The following PPP1R9A variants were observed in gnomAD, a reference collection of about 807,000 sequenced individuals.
PPP1R9A encodes protein phosphatase 1 regulatory subunit 9A.
PPP1R9A carries 59 observed loss-of-function variants against 141.9 expected under a neutral mutation model. The ratio of observed to expected loss-of-function variants is 0.42; its 90% CI spans 0.34 to 0.52. The LOEUF is 0.52. Among genes scored for constraint, PPP1R9A ranks in the 20% least tolerant of loss-of-function variants. The pLI is 0.10. For missense variants in PPP1R9A, 1,444 were observed against 1,611.9 expected (o/e 0.90, Z 1.78); for synonymous variants, 500 against 569.7 (o/e 0.88, Z 1.74).
In PPP1R9A at chr7:95,161,912, G is replaced by A. The variant is rs373223368; in HGVS notation, c.1695G>A (p.Leu565=). The change falls in exon 5 of 20, where the codon TTG becomes TTA. Residue 565 remains leucine (L), a synonymous_variant. Coordinates refer to ENST00000433360, the MANE Select transcript of PPP1R9A (RefSeq NM_001166160.2). ...DQIVEVDGIS[L]VGVTQNFAAT... ...TTGTGGAAGTGGATGGAATCAGCTT[G>A]GTGGGTGTGACACAGAATTTTGCAG... The A allele has an allele frequency of 2.5e-6, 4 of 1,611,256 alleles. No individual in the cohort carries two copies. Among genetic ancestry groups the A allele is most frequent in the Non-Finnish European group, 2.5e-6 (3 of 1,178,364 alleles).
At chr7:94,981,425 A>G (rs1354044807) in intron 2 of PPP1R9A, among the ~76,000 whole-genome samples, 9 of 152,120 alleles carry the variant, frequency 5.9e-5, no homozygotes, top group Admixed American at 5.9e-4. Flanking sequence ...TTTTTAGTAC[A>G]GATGGGGTTT....
chr7:95,120,675 A>G (rs1166760740), intron 3 of PPP1R9A, 37 bp from the exon 4 acceptor site: 1 of 1,604,280 alleles, frequency 6.2e-7, no homozygotes. Flanking sequence ...GTAAAACTTA[A>G]GTTGTTTCAC....
At position 95,290,147 on chromosome 7, in the gene PPP1R9A, A is replaced by G; in HGVS notation, c.3969A>G (p.Glu1323=). 6.2e-7 allele frequency: 1 copy of G among 1,614,076 alleles called. No homozygotes were observed. The highest frequency in any genetic ancestry group is 1.1e-5 in the South Asian group (1 of 91,078). The change falls in exon 20 of 20, where the codon GAA becomes GAG. Residue 1323 remains glutamate, a synonymous_variant. Coordinates refer to ENST00000433360, the MANE Select transcript of PPP1R9A (RefSeq NM_001166160.2). The part of the protein sequence containing the change: ...DRAVVKKKLK[E]MKMSLEKARK... ...CAGTGGTCAAAAAGAAACTCAAGGA[A>G]ATGAAGATGTCTCTAGAGAAGGCTC...
At chr7:95,176,296 G>C (rs1472812658) in intron 5 of PPP1R9A, among the ~76,000 whole-genome samples, 1 of 152,054 alleles carries the variant, frequency 6.6e-6, no homozygotes, top group Non-Finnish European at 1.5e-5. Context: ...ATATCCACAG[G>C]AAAAGGGGGA....
chr7:95,290,729 C>A lies in PPP1R9A; in HGVS notation c.*426C>A. 1 of 186,302 alleles carries A rather than the reference C, an allele frequency of 5.4e-6. No individual in the cohort carries two copies. Among genetic ancestry groups the A allele is most frequent in the Non-Finnish European group, 1.1e-5 (1 of 87,890 alleles). 11.5% of individuals were successfully genotyped at this position (186,302 alleles called of 1,614,324 possible). On this transcript the variant is annotated 3_prime_UTR_variant, in exon 20 of 20. Coordinates refer to ENST00000433360, the MANE Select transcript of PPP1R9A (RefSeq NM_001166160.2). ...TTGCACATGTCTGCATGGCAGAGAG[C>A]ACCCTGCCATGAGATCTGAGACCAG...
intron 2 of PPP1R9A, among the ~76,000 whole-genome samples, chr7:94,979,192 A>G (rs1287440783): frequency 1.3e-5 from 2 of 152,196 alleles, no homozygotes; most frequent in African/African-American, 4.8e-5. Context: ...TTGGTTTACT[A>G]TTAGAGTTTA....
chr7:95,048,410 ATAT>A (rs746242615), intron 2 of PPP1R9A, among the ~76,000 whole-genome samples: 1 of 152,224 alleles, frequency 6.6e-6, no homozygotes, highest in Non-Finnish European at 1.5e-5. Context: ...AATAATAGAA[ATAT>A]TATTATAGCA....
intron 4 of PPP1R9A, among the ~76,000 whole-genome samples, chr7:95,123,898 A>G (rs1040552386): frequency 5.3e-5 from 8 of 152,208 alleles, no homozygotes; most frequent in African/African-American, 1.9e-4. Flanking sequence ...TTGAAACTTA[A>G]TAAAAAAAAT....
At chr7:95,260,241 T>C (rs964193605) in intron 12 of PPP1R9A, among the ~76,000 whole-genome samples, 4 of 152,226 alleles carry the variant, frequency 2.6e-5, no homozygotes, top group Non-Finnish European at 5.9e-5. Flanking sequence ...ATTAAAACTT[T>C]TGTTGCCAAA....
At chr7:94,950,973 C>T (rs1057209033) in intron 2 of PPP1R9A, among the ~76,000 whole-genome samples, 2 of 152,112 alleles carry the variant, frequency 1.3e-5, no homozygotes. Flanking sequence ...GTCTCGAACT[C>T]TTGGGCTCAA....
chr7:95,162,694 G>A (rs1056670600), intron 5 of PPP1R9A, among the ~76,000 whole-genome samples: 24 of 152,152 alleles, frequency 1.6e-4, no homozygotes, highest in African/African-American at 5.3e-4. Flanking sequence ...TATGTGTAAT[G>A]ATGAAAATGG....
At chr7:95,063,766 T>G (rs1049030092) in intron 2 of PPP1R9A, among the ~76,000 whole-genome samples, 4 of 151,972 alleles carry the variant, frequency 2.6e-5, no homozygotes, top group Admixed American at 2.0e-4. Flanking sequence ...ATCAGGAGAG[T>G]TGCGGAAATT....
At chr7:95,040,092 A>T (rs1230688667) in intron 2 of PPP1R9A, among the ~76,000 whole-genome samples, 1 of 152,190 alleles carries the variant, frequency 6.6e-6, no homozygotes, top group African/African-American at 2.4e-5. Context: ...TGGATTTTGA[A>T]GCAAGGTTGC....
At chr7:95,227,975 G>A (rs1039067088) in intron 8 of PPP1R9A, among the ~76,000 whole-genome samples, 1 of 152,014 alleles carries the variant, frequency 6.6e-6, no homozygotes, top group Non-Finnish European at 1.5e-5. Context: ...TTTGTATCTT[G>A]TACACTGTCA....
chr7:95,150,326 G>A (rs1828426925), intron 4 of PPP1R9A, among the ~76,000 whole-genome samples: 1 of 152,050 alleles, frequency 6.6e-6, no homozygotes, highest in South Asian at 2.1e-4. Context: ...TTTTTGAGAC[G>A]GAGTCTTGCT....
At chr7:95,073,221 G>T (rs1347288538) in intron 2 of PPP1R9A, among the ~76,000 whole-genome samples, 5 of 151,674 alleles carry the variant, frequency 3.3e-5, no homozygotes, top group African/African-American at 9.7e-5. Context: ...CCTGACCGCA[G>T]GTGATCCACC....
intron 2 of PPP1R9A, among the ~76,000 whole-genome samples, chr7:94,943,622 C>T (rs904869900): frequency 8.5e-5 from 8 of 93,986 alleles, no homozygotes; most frequent in Admixed American, 7.8e-4. Context: ...TTATGATTGC[C>T]TCTTAAGTCA....
At chr7:95,180,344 G>A (rs1833552558) in intron 5 of PPP1R9A, among the ~76,000 whole-genome samples, 1 of 152,084 alleles carries the variant, frequency 6.6e-6, no homozygotes, top group African/African-American at 2.4e-5. Context: ...AATGAAACTG[G>A]ATCCTCATCT....
chr7:95,013,992 T>C (rs1056675634), intron 2 of PPP1R9A, among the ~76,000 whole-genome samples: 1 of 152,112 alleles, frequency 6.6e-6, no homozygotes, highest in African/African-American at 2.4e-5. Flanking sequence ...CTTCTTCTTT[T>C]TTCTTTTTGA....
Sources: allele counts gnomAD v4.1 joint callset (sites outside exome capture counted in the v4.1 genomes callset), GRCh38; gene constraint gnomAD v4.1.1; transcripts MANE v1.5; gene names NCBI Gene and HGNC (gene_info 2026-07-23, HGNC 2026-07-21).